The following DHRS2 variants were observed in gnomAD, a reference collection of about 807,000 sequenced individuals.
DHRS2 encodes dehydrogenase/reductase 2, also known as dehydrogenase/reductase SDR family member 2, mitochondrial.
In DHRS2, 29 loss-of-function variants were observed where a neutral mutation model predicts 26.3. The observed-to-expected ratio is 1.10, with a 90% CI of 0.82 to 1.50. DHRS2 has a LOEUF of 1.50. Ranked by LOEUF, DHRS2 falls within the 40% of genes most tolerant of loss-of-function variation. DHRS2 has a pLI of 0.00. For synonymous variants in DHRS2, 164 were observed against 151.3 expected (o/e 1.08, Z -0.62); for missense variants, 439 against 367.1 (o/e 1.20, Z -1.60).
intron 5 of DHRS2, 140 bp downstream of exon 5, chr14:23,643,359 C>G (rs1890746999): frequency 1.3e-6 from 1 of 757,206 alleles, no homozygotes; most frequent in Non-Finnish European, 2.2e-6. Context: ...CTTGTCCTGC[C>G]TCCCCATCTG....
chr14:23,641,559 A>G, intron 4 of DHRS2: 1 of 1,259,160 alleles, frequency 7.9e-7, no homozygotes, highest in Non-Finnish European at 1.0e-6. Flanking sequence ...CCCCTCACTC[A>G]GCCTGATGCA....
In DHRS2 at chr14:23,639,202, G is replaced by A. The variant is rs149593009; in HGVS notation, c.164G>A (p.Arg55His). Residue 55 changes from arginine to histidine, a missense_variant, in exon 3 of 9, where the codon CGT becomes CAT. Physicochemically the swap from Arg to His is conservative, Grantham distance 29 (BLOSUM62 0). Coordinates refer to ENST00000250383, the MANE Select transcript of DHRS2 (RefSeq NM_005794.4). Reference protein sequence around the residue: ...TSGIGFAIARRLARDGAHVVI... With the variant: ...TSGIGFAIARHLARDGAHVVI... Reference sequence around the variant, plus strand: ...AGGATCGGCTTTGCCATCGCCCGACGTCTGGCCCGGGACGGGGCCCACGTG... The same window carrying A: ...AGGATCGGCTTTGCCATCGCCCGACATCTGGCCCGGGACGGGGCCCACGTG... 347 of 1,613,698 alleles carry A rather than the reference G, an allele frequency of 2.2e-4. No individual in the cohort carries two copies. The highest frequency in any genetic ancestry group is 2.4e-4 in the Non-Finnish European group (289 of 1,179,934).
At position 23,638,892 on chromosome 14, in the gene DHRS2, C is replaced by T; in HGVS notation, c.28C>T (p.Gln10Ter). The change falls in exon 2 of 9, where the codon CAG (glutamine) becomes TAG (stop). Residue 10 changes from glutamine (Q) to a stop codon, truncating the protein, a stop_gained. Coordinates refer to ENST00000250383, the MANE Select transcript of DHRS2 (RefSeq NM_005794.4). LOFTEE classifies it high-confidence loss of function. ...GCTGTCAGCAGTTGCCCGGGGCTAC[C>T]AGGGCTGGTTTCATCCCTGTGCTAG... is the stretch of plus-strand genomic sequence containing the variant. MLSAVARGY[Q>*]GWFHPCARLS... 6.2e-7 allele frequency: 1 copy of T among 1,614,118 alleles called. No individual in the cohort carries two copies. The highest frequency in any genetic ancestry group is 8.5e-7 in the Non-Finnish European group (1 of 1,179,992).
At position 23,639,196 on chromosome 14, in the gene DHRS2, C is replaced by T. The variant is rs766035204; in HGVS notation, c.158C>T (p.Ala53Val). The part of the protein sequence containing the change: ...GSTSGIGFAI[A>V]RRLARDGAHV... ...GCATTCAGGATCGGCTTTGCCATCG[C>T]CCGACGTCTGGCCCGGGACGGGGCC... The change falls in exon 3 of 9, where the codon GCC (alanine) becomes GTC (valine). Residue 53 changes from alanine (A) to valine (V), a missense_variant. Ala to Val is a moderately conservative substitution (Grantham distance 64). Transcript: ENST00000250383. 6.2e-7 allele frequency: 1 copy of T among 1,613,656 alleles called. No individual in the cohort carries two copies. The highest frequency in any genetic ancestry group is 2.2e-5 in the East Asian group (1 of 44,882).
At position 23,645,249 on chromosome 14, in the gene DHRS2, T is replaced by C. The variant is rs1594251050; in HGVS notation, c.839T>C (p.Leu280Pro). The C allele has an allele frequency of 6.2e-7, 1 of 1,614,078 alleles. No homozygotes were observed. Among genetic ancestry groups the C allele is most frequent in the Non-Finnish European group, 8.5e-7 (1 of 1,180,020 alleles). ...NIAVAGYSTR[L>P] ...GCGGTGGCAGGCTACTCCACTCGGC[T>C]CTGAGAGGAGTGGGGGCGGCTGCGT... Residue 280 changes from leucine (L) to proline (P), a missense_variant, in exon 9 of 9, where the codon CTC becomes CCC. Physicochemically the swap from Leu to Pro is moderately conservative, Grantham distance 98. Transcript: ENST00000250383.
upstream of DHRS2, among the ~76,000 whole-genome samples, chr14:23,632,049 GC>G (rs1017834793): frequency 9.2e-5 from 14 of 152,188 alleles, no homozygotes; most frequent in Admixed American, 2.6e-4. Context: ...ACTGTTAGAG[GC>G]CAGAAAGGGG....
At chr14:23,641,936 T>C (rs1890689230) in intron 4 of DHRS2, 3 of 1,163,432 alleles carry the variant, frequency 2.6e-6, no homozygotes, top group African/African-American at 3.2e-5. Context: ...CAGGAGGGAC[T>C]CCTGGTGCCA....
chr14:23,631,412 CAG>C (rs1320967668), upstream of DHRS2, among the ~76,000 whole-genome samples: 1 of 152,120 alleles, frequency 6.6e-6, no homozygotes, highest in Non-Finnish European at 1.5e-5. Flanking sequence ...CTTTGCCAAG[CAG>C]AGGAGTGCTT....
At chr14:23,641,825 G>C in intron 4 of DHRS2, 1 of 1,262,186 alleles carries the variant, frequency 7.9e-7, no homozygotes, top group Non-Finnish European at 1.0e-6. Flanking sequence ...GAGTGAGATT[G>C]GGGGGTGGAA....
chr14:23,643,955 C>G, intron 5 of DHRS2, 156 bp from the exon 6 acceptor site: 1 of 745,010 alleles, frequency 1.3e-6, no homozygotes, highest in East Asian at 2.5e-5. Context: ...TGGTACTAAA[C>G]CTTTCTGAGC....
At chr14:23,639,996 G>C (rs1219950517) in intron 4 of DHRS2, 101 bp downstream of exon 4, 2 of 1,077,614 alleles carry the variant, frequency 1.9e-6, no homozygotes, top group Non-Finnish European at 2.4e-6. Context: ...CCCTCCAGAG[G>C]TTATGGGAGA....
intron 2 of DHRS2, 69 bp downstream of exon 2, chr14:23,639,073 G>GT: frequency 6.3e-7 from 1 of 1,596,182 alleles, no homozygotes; most frequent in Non-Finnish European, 8.5e-7. Flanking sequence ...AGGACTCAGG[G>GT]TTTTAAAGCA....
chr14:23,634,219 C>T (rs925601622), upstream of DHRS2, among the ~76,000 whole-genome samples: 3 of 151,994 alleles, frequency 2.0e-5, no homozygotes, highest in Non-Finnish European at 4.4e-5. Context: ...AGGCATGCGC[C>T]ACCACACCTG....
upstream of DHRS2, among the ~76,000 whole-genome samples, chr14:23,634,780 AG>A: frequency 6.6e-6 from 1 of 152,030 alleles, no homozygotes; most frequent in East Asian, 1.9e-4. Flanking sequence ...ATGTTGGAGG[AG>A]GGGGCCTAGT....
intron 4 of DHRS2, chr14:23,641,646 C>A (rs1372528412): frequency 1.6e-6 from 2 of 1,289,698 alleles, no homozygotes; most frequent in East Asian, 1.1e-4. Flanking sequence ...CTAACCTAAT[C>A]CTCAATTCCT....
chr14:23,638,665 C>A, intron 1 of DHRS2, 162 bp from the exon 2 acceptor site: 1 of 636,560 alleles, frequency 1.6e-6, no homozygotes, highest in Non-Finnish European at 2.6e-6. Flanking sequence ...TCATGGATTG[C>A]TTTCCTGACC....
In DHRS2 at chr14:23,644,102, T is replaced by A. The variant is rs751213506; in HGVS notation, c.489-9T>A. 3 of 1,614,116 alleles carry A rather than the reference T, an allele frequency of 1.9e-6. No individual in the cohort carries two copies. The highest frequency in any genetic ancestry group is 2.5e-6 in the Non-Finnish European group (3 of 1,179,958). On this transcript the variant is annotated splice_polypyrimidine_tract_variant and intron_variant, in intron 5 of 8. Coordinates refer to ENST00000250383, the MANE Select transcript of DHRS2 (RefSeq NM_005794.4). The stretch of plus-strand genomic sequence containing the variant: ...AGCTTCAGCTTCTCTTATGTTTGTC[T>A]TGTCTCAGGAGGGGTGCTGTCATCC...
At chr14:23,644,043 C>T in intron 5 of DHRS2, 68 bp from the exon 6 acceptor site, 2 of 1,484,498 alleles carry the variant, frequency 1.3e-6, no homozygotes, top group Non-Finnish European at 1.9e-6. Context: ...ATTTAATGAA[C>T]TCATGATAGT....
At chr14:23,640,083 G>A (rs1334742230) in intron 4 of DHRS2, 188 bp downstream of exon 4, 8 of 702,976 alleles carry the variant, frequency 1.1e-5, no homozygotes, top group African/African-American at 5.6e-5. Flanking sequence ...TGGCTTGTTG[G>A]TTCTTAAATC....
Sources: gnomAD v4.1 joint callset for allele counts (sites outside exome capture counted in the v4.1 genomes callset) on GRCh38, gnomAD v4.1.1 for gene constraint, MANE v1.5 for transcripts, NCBI Gene and HGNC (gene_info 2026-07-23, HGNC 2026-07-21) for gene names.